The following LDB3 variants were observed in gnomAD, a reference collection of about 807,000 sequenced individuals.
LDB3 encodes the protein LIM domain-binding protein 3.
A neutral mutation model predicts 69.0 loss-of-function variants in LDB3; 49 were observed. The observed-to-expected ratio is 0.71, with a 90% CI of 0.56 to 0.90. The LOEUF is 0.90. Among genes scored for constraint, LDB3 ranks in the 40% least tolerant of loss-of-function variants. The pLI is 0.00. For synonymous variants in LDB3, 387 were observed against 396.2 expected, an observed-to-expected ratio of 0.98 and a Z score of 0.28; for missense variants, 928 against 974.1, an observed-to-expected ratio of 0.95 and a Z score of 0.63.
intron 5 of LDB3, among the ~76,000 whole-genome samples, chr10:86,683,264 A>G (rs991223905): frequency 6.6e-6 from 1 of 152,170 alleles, no homozygotes; most frequent in African/African-American, 2.4e-5. Context: ...TGGACCAGCT[A>G]ACAGTCCACA....
chr10:86,679,572 C>T, intron 3 of LDB3, 54 bp downstream of exon 3: 1 of 1,591,786 alleles, frequency 6.3e-7, no homozygotes, highest in Non-Finnish European at 8.6e-7. Flanking sequence ...GGGCATGGGG[C>T]AGGGGCCAAA....
In LDB3 at chr10:86,681,546, TGCCTTCTCCCGGCCCTCC is replaced by T. The variant is rs779675721; in HGVS notation, c.442_459del (p.Arg148_Ser153del). On this transcript the variant is annotated inframe_deletion, in exon 5 of 14. Transcript: ENST00000361373. ...CGGAGCTCAGGCCCACCTTTAGCCC[TGCCTTCTCCCGGCCCTCC>T]GCCTTCTCCTCACTCGCCGAGGCCT... The T allele has an allele frequency of 6.2e-7, 1 of 1,612,892 alleles. No homozygotes were observed. Among genetic ancestry groups the T allele is most frequent in the Non-Finnish European group, 8.5e-7 (1 of 1,179,808 alleles).
At chr10:86,691,115 G>C (rs78559934) in intron 5 of LDB3, among the ~76,000 whole-genome samples, 8,355 of 152,314 alleles carry the variant, frequency 0.055, 339 homozygotes, top group Non-Finnish European at 0.078. Flanking sequence ...CACTGGACCC[G>C]AGGGGCTCTA....
At chr10:86,717,887 C>T in intron 10 of LDB3, 77 bp from the exon 11 acceptor site, 2 of 1,334,896 alleles carry the variant, frequency 1.5e-6, no homozygotes, top group East Asian at 4.7e-5. Flanking sequence ...AAAGTATAAA[C>T]AGTGTTGGGG....
chr10:86,675,443 TC>T (rs1844742282), intron 2 of LDB3, among the ~76,000 whole-genome samples: 1 of 152,234 alleles, frequency 6.6e-6, no homozygotes, highest in Non-Finnish European at 1.5e-5. Context: ...CTCCCATCTT[TC>T]CTGTCAGCAT....
intron 13 of LDB3, among the ~76,000 whole-genome samples, chr10:86,727,423 A>G (rs1313734145): frequency 6.6e-6 from 1 of 152,196 alleles, no homozygotes; most frequent in African/African-American, 2.4e-5. Flanking sequence ...TTTTACTTGA[A>G]TAATTTTTAT....
intron 13 of LDB3, among the ~76,000 whole-genome samples, chr10:86,726,782 T>C (rs1394355716): frequency 2.6e-5 from 4 of 152,298 alleles, no homozygotes; most frequent in Admixed American, 6.5e-5. Context: ...TCCTGATATA[T>C]AGCTGCCAGG....
At position 86,704,409 on chromosome 10, in the gene LDB3, A is replaced by G. The variant is rs531077865; in HGVS notation, c.897-2122A>G. ...GGTTTAAATGATAAAATTGAGTAAT[A>G]GGGTAATTTCTTTTTTTTTTTTTAA... On this transcript the variant is annotated intron_variant, in intron 7 of 13. Transcript: ENST00000361373. Among the ~76,000 whole-genome samples the G allele has an allele frequency of 7.9e-5, 12 of 151,748 alleles. No individual in the cohort carries two copies. The East Asian group carries it at 2.1e-3, about 27-fold the overall frequency.
intron 13 of LDB3, among the ~76,000 whole-genome samples, chr10:86,728,789 C>T (rs1189093415): frequency 2.6e-5 from 4 of 151,872 alleles, no homozygotes. Flanking sequence ...ACCATCTTGG[C>T]CAGGCTGGTC....
chr10:86,681,292 C>A, intron 4 of LDB3, 144 bp from the exon 5 acceptor site: 1 of 1,244,680 alleles, frequency 8.0e-7, no homozygotes, highest in Non-Finnish European at 1.2e-6. Flanking sequence ...TCCTCCCCTC[C>A]AAGTGCTGCG....
At chr10:86,701,103 C>A (rs1846245487) in intron 7 of LDB3, among the ~76,000 whole-genome samples, 1 of 152,210 alleles carries the variant, frequency 6.6e-6, no homozygotes, top group Non-Finnish European at 1.5e-5. Flanking sequence ...AAGCCCCCTG[C>A]CAACCTATTC....
intron 13 of LDB3, 152 bp from the exon 14 acceptor site, chr10:86,732,735 C>T (rs549546887): frequency 1.1e-5 from 7 of 644,172 alleles, no homozygotes; most frequent in South Asian, 1.0e-4. Flanking sequence ...GACTCCTGAC[C>T]TCAAGTGATC....
At chr10:86,723,446 G>A (rs748434895) in intron 12 of LDB3, among the ~76,000 whole-genome samples, 1 of 152,098 alleles carries the variant, frequency 6.6e-6, no homozygotes, top group Non-Finnish European at 1.5e-5. Context: ...GGATTGCAGA[G>A]ATTCTCTCAG....
At chr10:86,679,560 G>A (rs1452385565) in intron 3 of LDB3, 42 bp downstream of exon 3, 2 of 1,608,552 alleles carry the variant, frequency 1.2e-6, no homozygotes, top group South Asian at 2.2e-5. Context: ...AGGTTTGGGT[G>A]TGGGCATGGG....
chr10:86,700,609 G>A (rs1564649153), intron 7 of LDB3, among the ~76,000 whole-genome samples: 1 of 152,198 alleles, frequency 6.6e-6, no homozygotes, highest in Non-Finnish European at 1.5e-5. Context: ...AGAGGGCTGG[G>A]AAGGCTTCCA....
chr10:86,711,156 T>C (rs1038156335), intron 9 of LDB3, among the ~76,000 whole-genome samples: 1 of 151,666 alleles, frequency 6.6e-6, no homozygotes, highest in Non-Finnish European at 1.5e-5. Context: ...AAGCGGCGGG[T>C]GGAGGCGAGG....
chr10:86,715,400 C>T (rs1846829964), intron 9 of LDB3, among the ~76,000 whole-genome samples: 1 of 152,060 alleles, frequency 6.6e-6, no homozygotes, highest in Non-Finnish European at 1.5e-5. Context: ...TCTGCCCTGG[C>T]TAGGTGTTGA....
intron 7 of LDB3, among the ~76,000 whole-genome samples, chr10:86,692,796 G>A (rs1465467366): frequency 2.0e-5 from 3 of 152,342 alleles, no homozygotes; most frequent in Admixed American, 6.5e-5. Flanking sequence ...CTACAAGAGC[G>A]AAGGCTCTGG....
intron 5 of LDB3, among the ~76,000 whole-genome samples, chr10:86,683,769 A>C (rs1845290690): frequency 6.6e-6 from 1 of 152,202 alleles, no homozygotes; most frequent in African/African-American, 2.4e-5. Flanking sequence ...GGCTGAGGCC[A>C]CCACCTATGC....
Sources: gnomAD v4.1 joint callset for allele counts (sites outside exome capture counted in the v4.1 genomes callset) on GRCh38, gnomAD v4.1.1 for gene constraint, MANE v1.5 for transcripts, NCBI Gene and HGNC (gene_info 2026-07-23, HGNC 2026-07-21) for gene names.